DACH2: variants seen among roughly 807,000 people sequenced by gnomAD.
DACH2 encodes the protein dachshund homolog 2.
A neutral mutation model predicts 35.8 loss-of-function variants in DACH2; 17 were observed. That is an observed-to-expected ratio of 0.48 (90% confidence interval 0.33 to 0.71). DACH2 has a LOEUF of 0.71. Among genes scored for constraint, DACH2 ranks in the 30% least tolerant of loss-of-function variants. DACH2 has a pLI of 0.02. For synonymous variants in DACH2, 195 were observed against 177.3 expected, an observed-to-expected ratio of 1.10 and a Z score of -0.79; for missense variants, 469 against 472.7, an observed-to-expected ratio of 0.99 and a Z score of 0.07.
chrX:86,705,788 G>A (rs1345900448), intron 5 of DACH2, among the ~76,000 whole-genome samples: 2 of 111,426 alleles, frequency 1.8e-5, no homozygotes, highest in Admixed American at 1.9e-4. Flanking sequence ...AGACACCTGC[G>A]CTTGTATGCT....
At chrX:86,828,133 C>A in intron 11 of DACH2, 1 of 169,752 alleles carries the variant, frequency 5.9e-6, no homozygotes, top group Non-Finnish European at 1.1e-5. Context: ...AGAGAAAATG[C>A]TATTTCTAAA....
At chrX:86,568,751 T>C (rs2039325463) in intron 3 of DACH2, among the ~76,000 whole-genome samples, 1 of 111,556 alleles carries the variant, frequency 9.0e-6, no homozygotes, top group Non-Finnish European at 1.9e-5. Flanking sequence ...TGTAAAGCTA[T>C]ATGCTAGACA....
rs761336235 is a variant in DACH2 at position 86,244,543 on chromosome X, G to A, written c.488+95435G>A. Among the ~76,000 whole-genome samples, 450 of 111,657 alleles carry A rather than the reference G, an allele frequency of 4.0e-3. 6 individuals carry two copies. The highest frequency in any genetic ancestry group is 5.7e-3 in the Non-Finnish European group (302 of 53,191). On this transcript the variant is annotated intron_variant, in intron 1 of 11. Coordinates refer to ENST00000373125, the MANE Select transcript of DACH2 (RefSeq NM_053281.3). ...GTGGGAGGATCGCTTAAGCCCTTAAGTTTGACACTGCAGTGAGCCACAATT... is the reference window on the plus strand; with the variant it reads ...GTGGGAGGATCGCTTAAGCCCTTAAATTTGACACTGCAGTGAGCCACAATT...
At chrX:86,477,838 T>C (rs1205945001) in intron 2 of DACH2, among the ~76,000 whole-genome samples, 2 of 111,215 alleles carry the variant, frequency 1.8e-5, no homozygotes, top group African/African-American at 6.5e-5. Context: ...ATTTTATATA[T>C]GTTTTTAAAT....
At chrX:86,504,361 G>C (rs1229897317) in intron 2 of DACH2, among the ~76,000 whole-genome samples, 1 of 110,699 alleles carries the variant, frequency 9.0e-6, no homozygotes, top group Non-Finnish European at 1.9e-5. Flanking sequence ...CTTTTTAAGT[G>C]TATTAGTTTG....
intron 1 of DACH2, among the ~76,000 whole-genome samples, chrX:86,273,889 G>T (rs1004393149): frequency 4.4e-5 from 5 of 112,373 alleles, no homozygotes; most frequent in Non-Finnish European, 9.4e-5. Flanking sequence ...TGTTCCTTTA[G>T]AATTTATTTG....
intron 1 of DACH2, among the ~76,000 whole-genome samples, chrX:86,331,090 A>G (rs760716515): frequency 8.9e-6 from 1 of 111,899 alleles, no homozygotes; most frequent in African/African-American, 3.2e-5. Flanking sequence ...GTAAAGTATA[A>G]AACACCAGCC....
At chrX:86,546,407 T>TCTTCTTCTTCTTCTTCTTCTTCTTCTTC (rs1569435811) in intron 3 of DACH2, among the ~76,000 whole-genome samples, 5 of 87,349 alleles carry the variant, frequency 5.7e-5, no homozygotes, top group African/African-American at 9.2e-5. Context: ...TCTTCTTCCT[T>TCTTCTTCTTCTTCTTCTTCTTCTTCTTC]CTTCTTCTTC....
At chrX:86,742,735 A>T (rs779709574) in intron 7 of DACH2, 3 of 288,841 alleles carry the variant, frequency 1.0e-5, no homozygotes, top group African/African-American at 5.5e-5. Flanking sequence ...AGGTAAAATG[A>T]TTTTTGCTTA....
At chrX:86,180,974 G>A (rs1347078196) in intron 1 of DACH2, among the ~76,000 whole-genome samples, 1 of 110,720 alleles carries the variant, frequency 9.0e-6, no homozygotes, top group Non-Finnish European at 1.9e-5. Context: ...GCGTGTGGAA[G>A]TGAAGGGTGA....
chrX:86,584,477 A>G (rs1423625038), intron 3 of DACH2, among the ~76,000 whole-genome samples: 1 of 110,162 alleles, frequency 9.1e-6, no homozygotes, highest in East Asian at 2.8e-4. Flanking sequence ...TCTTAATATG[A>G]TCCTTCATTC....
Position 86,148,919 on chromosome X carries a change from A to G in DACH2, c.299A>G (p.Lys100Arg). ...CLPQVFDLFL[K>R]HLVGGLHTVY... The stretch of plus-strand genomic sequence containing the variant: ...CCGCAAGTCTTTGATCTTTTTCTCA[A>G]GCACCTGGTGGGAGGCTTGCACACT... The change falls in exon 1 of 12, where the codon AAG (lysine) becomes AGG (arginine). Residue 100 changes from lysine (K) to arginine (R), a missense_variant. This residue lies in a region of DACH2 where 99 missense variants were observed against 114.3 expected (regional missense o/e 0.87). Transcript: ENST00000373125. The G allele has an allele frequency of 8.3e-7, 1 of 1,210,829 alleles. No homozygotes were observed.
chrX:86,470,973 T>G lies in DACH2; in HGVS notation c.528-43306T>G, dbSNP rs754717070. Among the ~76,000 whole-genome samples, 19 of 111,436 alleles carry G rather than the reference T, an allele frequency of 1.7e-4. No homozygotes were observed. In the South Asian group the frequency reaches 6.4e-3, roughly 37 times the overall value. On this transcript the variant is annotated intron_variant, in intron 2 of 11. Coordinates refer to ENST00000373125, the MANE Select transcript of DACH2 (RefSeq NM_053281.3). ...AACCCCCGAAAATATCATTATTATT[T>G]TTATTGAACTACAAACTGAATTAAA...
At chrX:86,713,968 TA>T (rs1279237951) in intron 5 of DACH2, among the ~76,000 whole-genome samples, 4 of 111,761 alleles carry the variant, frequency 3.6e-5, no homozygotes, top group African/African-American at 1.3e-4. Flanking sequence ...GATATTTTGA[TA>T]GGGGAGTTAT....
At chrX:86,241,684 G>C (rs746491018) in intron 1 of DACH2, among the ~76,000 whole-genome samples, 3 of 112,525 alleles carry the variant, frequency 2.7e-5, no homozygotes, top group Non-Finnish European at 5.6e-5. Context: ...GGGCATGTCA[G>C]AGACTGTCAC....
At chrX:86,763,176 A>C (rs781021805) in intron 7 of DACH2, among the ~76,000 whole-genome samples, 1 of 112,086 alleles carries the variant, frequency 8.9e-6, no homozygotes, top group Non-Finnish European at 1.9e-5. Flanking sequence ...GAATATTCAT[A>C]ACAGCACTAT....
intron 1 of DACH2, among the ~76,000 whole-genome samples, chrX:86,278,200 A>G (rs2033954914): frequency 8.9e-6 from 1 of 112,157 alleles, no homozygotes; most frequent in South Asian, 3.7e-4. Flanking sequence ...GATGAACTGA[A>G]AACTTCAATG....
intron 7 of DACH2, chrX:86,798,818 A>G (rs1049246105): frequency 7.5e-6 from 1 of 133,817 alleles, no homozygotes. Context: ...GGACATCCAA[A>G]AAAGGCTTCA....
At chrX:86,625,230 G>A (rs1001606905) in intron 3 of DACH2, among the ~76,000 whole-genome samples, 81 of 95,666 alleles carry the variant, frequency 8.5e-4, no homozygotes, top group Admixed American at 2.4e-3. Flanking sequence ...GTGTGTGTGT[G>A]TGTGTGTGTG....
Sources: allele counts gnomAD v4.1 joint callset (sites outside exome capture counted in the v4.1 genomes callset), GRCh38; gene constraint gnomAD v4.1.1; regional missense constraint gnomAD v4.1.1; transcripts MANE v1.5; gene names NCBI Gene and HGNC (gene_info 2026-07-23, HGNC 2026-07-21).